CSMD1: variants seen among roughly 807,000 people sequenced by gnomAD.
CSMD1 encodes the protein CUB and sushi domain-containing protein 1.
A neutral mutation model predicts 417.5 loss-of-function variants in CSMD1; 213 were observed. That is an observed-to-expected ratio of 0.51 (90% CI 0.46 to 0.57). The LOEUF (loss-of-function observed/expected upper bound fraction) is 0.57, where lower values mean the gene tolerates loss of function less well. Ranked by LOEUF, CSMD1 falls within the 20% of genes least tolerant of loss-of-function variation. CSMD1 has a pLI of 0.00. For missense variants in CSMD1, 6,923 were observed against 4,529.7 expected, an observed-to-expected ratio of 1.53 and a Z score of -15.17; for synonymous variants, 2,862 against 1,736.8, an observed-to-expected ratio of 1.65 and a Z score of -16.11.
intron 52 of CSMD1, among the ~76,000 whole-genome samples, chr8:3,002,486 G>C (rs917184367): frequency 3.9e-5 from 6 of 152,276 alleles, no homozygotes; most frequent in African/African-American, 1.4e-4. Flanking sequence ...AATGACACCA[G>C]CAATTCCTTT....
intron 1 of CSMD1, among the ~76,000 whole-genome samples, chr8:4,945,221 A>C (rs931778816): frequency 6.6e-6 from 1 of 152,154 alleles, no homozygotes; most frequent in African/African-American, 2.4e-5. Context: ...TAGAAAGTAG[A>C]ATGGTGATTG....
intron 26 of CSMD1, among the ~76,000 whole-genome samples, chr8:3,282,043 C>A (rs1013786900): frequency 8.5e-5 from 13 of 152,144 alleles, no homozygotes; most frequent in Non-Finnish European, 1.8e-4. Context: ...TTTCCTGAGG[C>A]CCTCCCAGCC....
chr8:4,214,478 G>C (rs889474063), intron 3 of CSMD1, among the ~76,000 whole-genome samples: 2 of 152,032 alleles, frequency 1.3e-5, no homozygotes, highest in African/African-American at 4.8e-5. Flanking sequence ...TTGTATTTTT[G>C]GTAGTGAAAG....
At chr8:3,799,953 T>C (rs1227981641) in intron 5 of CSMD1, among the ~76,000 whole-genome samples, 1 of 152,170 alleles carries the variant, frequency 6.6e-6, no homozygotes, top group Non-Finnish European at 1.5e-5. Flanking sequence ...AATGGAATAA[T>C]GAAAATGTCT....
intron 68 of CSMD1, among the ~76,000 whole-genome samples, chr8:2,944,854 T>TA (rs398006937): frequency 4.6e-5 from 7 of 151,978 alleles, no homozygotes; most frequent in Admixed American, 1.3e-4. Context: ...TTACTTTTTT[T>TA]AATCTGAAAA....
chr8:4,868,976 A>G (rs1802578109), intron 1 of CSMD1, among the ~76,000 whole-genome samples: 2 of 152,014 alleles, frequency 1.3e-5, no homozygotes, highest in Admixed American at 6.6e-5. Flanking sequence ...AGACATACAA[A>G]TAGAATAGAT....
intron 10 of CSMD1, among the ~76,000 whole-genome samples, chr8:3,510,379 T>A (rs1292263910): frequency 6.6e-6 from 1 of 151,838 alleles, no homozygotes. Context: ...ACATGGGTAC[T>A]TGAAGTCCAA....
chr8:3,783,946 T>C (rs1563075896), intron 5 of CSMD1, among the ~76,000 whole-genome samples: 1 of 152,212 alleles, frequency 6.6e-6, no homozygotes, highest in Non-Finnish European at 1.5e-5. Context: ...CTCTGCGATT[T>C]ACCTATTACC....
At chr8:3,670,368 C>T (rs539346281) in intron 7 of CSMD1, among the ~76,000 whole-genome samples, 3 of 151,826 alleles carry the variant, frequency 2.0e-5, no homozygotes, top group Admixed American at 2.0e-4. Flanking sequence ...GCTCTCCTTG[C>T]TCCTCAGTTT....
intron 6 of CSMD1, among the ~76,000 whole-genome samples, chr8:3,732,905 T>C (rs1450600676): frequency 6.6e-6 from 1 of 152,178 alleles, no homozygotes; most frequent in Non-Finnish European, 1.5e-5. Flanking sequence ...CATCTATCTA[T>C]CTATCATCTA....
At chr8:4,830,860 G>A (rs1800110207) in intron 1 of CSMD1, among the ~76,000 whole-genome samples, 1 of 152,046 alleles carries the variant, frequency 6.6e-6, no homozygotes, top group Non-Finnish European at 1.5e-5. Context: ...AAGAAATTCT[G>A]GGAAAAAAGA....
chr8:4,065,366 A>C (rs1163004305), intron 3 of CSMD1, among the ~76,000 whole-genome samples: 1 of 152,224 alleles, frequency 6.6e-6, no homozygotes. Flanking sequence ...ATGGATAGTT[A>C]GTAAAAGTTT....
chr8:3,437,244 A>G (rs992303613), intron 12 of CSMD1, among the ~76,000 whole-genome samples: 6 of 152,306 alleles, frequency 3.9e-5, no homozygotes, highest in African/African-American at 1.2e-4. Context: ...TCCTTGTCTA[A>G]TACCACCATT....
intron 2 of CSMD1, among the ~76,000 whole-genome samples, chr8:4,544,985 G>A (rs766704581): frequency 3.9e-5 from 6 of 152,132 alleles, no homozygotes; most frequent in African/African-American, 1.4e-4. Context: ...AAGCATATTC[G>A]TAATGCATTT....
At chr8:4,186,526 G>T (rs994598797) in intron 3 of CSMD1, among the ~76,000 whole-genome samples, 12 of 152,078 alleles carry the variant, frequency 7.9e-5, no homozygotes, top group Non-Finnish European at 1.6e-4. Context: ...TTGAAAACTG[G>T]TGACTTCACA....
intron 1 of CSMD1, among the ~76,000 whole-genome samples, chr8:4,936,329 G>A (rs1234794426): frequency 2.0e-5 from 3 of 152,152 alleles, no homozygotes; most frequent in African/African-American, 7.2e-5. Flanking sequence ...AACAGGGACA[G>A]GAAAAAACTG....
chr8:3,120,460 T>C (rs974452892), intron 41 of CSMD1, among the ~76,000 whole-genome samples: 1 of 152,184 alleles, frequency 6.6e-6, no homozygotes, highest in Non-Finnish European at 1.5e-5. Flanking sequence ...ATTTGCCAAA[T>C]GTTAAGCATT....
intron 5 of CSMD1, among the ~76,000 whole-genome samples, chr8:3,954,607 C>T (rs1183218328): frequency 2.0e-5 from 3 of 152,196 alleles, no homozygotes; most frequent in Admixed American, 2.0e-4. Flanking sequence ...CGTGATCCGC[C>T]CACCTTGGCC....
At chr8:4,813,272 C>T (rs1368678050) in intron 1 of CSMD1, among the ~76,000 whole-genome samples, 2 of 152,024 alleles carry the variant, frequency 1.3e-5, no homozygotes, top group Non-Finnish European at 2.9e-5. Context: ...AATGATCTTT[C>T]TGTTAAAAAA....
Sources: gnomAD v4.1 joint callset for allele counts (sites outside exome capture counted in the v4.1 genomes callset) on GRCh38, gnomAD v4.1.1 for gene constraint, MANE v1.5 for transcripts, NCBI Gene and HGNC (gene_info 2026-07-23, HGNC 2026-07-21) for gene names.